Variants in KLF8 observed in about 807,000 individuals in gnomAD.
KLF8 encodes the protein Krueppel-like factor 8.
Under a neutral mutation model 18.2 loss-of-function variants are expected in KLF8, and 10 were observed. That is an observed-to-expected ratio of 0.55 (90% CI 0.34 to 0.93). The LOEUF (loss-of-function observed/expected upper bound fraction) is 0.93. Ranked by LOEUF, KLF8 falls within the 40% of genes least tolerant of loss-of-function variation. The pLI, the probability that KLF8 is intolerant of heterozygous loss-of-function variation, is 0.02. For synonymous variants in KLF8, 109 were observed against 97.3 expected, an observed-to-expected ratio of 1.12 and a Z score of -0.71; for missense variants, 264 against 277.9, an observed-to-expected ratio of 0.95 and a Z score of 0.36.
the KLF8 span, among the ~76,000 whole-genome samples, chrX:56,003,630 A>G: frequency 2.7e-5 from 3 of 111,642 alleles, no homozygotes; most frequent in Non-Finnish European, 3.8e-5. Context: ...ATACAGTTGC[A>G]TGGCAATGTA....
the KLF8 span, among the ~76,000 whole-genome samples, chrX:55,936,874 C>A: frequency 2.4e-4 from 27 of 111,993 alleles, no homozygotes; most frequent in South Asian, 7.4e-3. Context: ...ACAAAGCAGC[C>A]GGGAAACTCG....
At chrX:56,095,231 C>T in the KLF8 span, among the ~76,000 whole-genome samples, 8 of 112,162 alleles carry the variant, frequency 7.1e-5, no homozygotes, top group South Asian at 2.9e-3. Flanking sequence ...AATGTACACC[C>T]TATTCAATAA....
the KLF8 span, among the ~76,000 whole-genome samples, chrX:56,079,096 C>A: frequency 2.7e-5 from 3 of 111,054 alleles, no homozygotes; most frequent in Non-Finnish European, 5.7e-5. Flanking sequence ...AAAACCAGCT[C>A]CTGGACTCAT....
the KLF8 span, among the ~76,000 whole-genome samples, chrX:56,163,221 G>A: frequency 9.0e-6 from 1 of 111,650 alleles, no homozygotes; most frequent in Non-Finnish European, 1.9e-5. Context: ...CAGTGTAGAA[G>A]CATTTTTTTT....
the KLF8 span, among the ~76,000 whole-genome samples, chrX:56,160,817 C>T: frequency 9.0e-6 from 1 of 111,401 alleles, no homozygotes; most frequent in South Asian, 3.8e-4. Context: ...GAATACAGCA[C>T]ACTGATGGGT....
At chrX:55,990,477 G>T in the KLF8 span, among the ~76,000 whole-genome samples, 2 of 112,245 alleles carry the variant, frequency 1.8e-5, no homozygotes, top group Non-Finnish European at 3.8e-5. Context: ...TCATTCAGGA[G>T]CAGGTTGTTC....
At chrX:56,084,032 A>G in the KLF8 span, among the ~76,000 whole-genome samples, 47 of 111,719 alleles carry the variant, frequency 4.2e-4, no homozygotes, top group Admixed American at 4.8e-4. Context: ...CAAGACAGGA[A>G]CAAATGAGAG....
At chrX:55,966,391 C>T in the KLF8 span, among the ~76,000 whole-genome samples, 1 of 112,310 alleles carries the variant, frequency 8.9e-6, no homozygotes, top group Non-Finnish European at 1.9e-5. Flanking sequence ...ATTCCTCTAC[C>T]AGTCCAAGAC....
the KLF8 span, among the ~76,000 whole-genome samples, chrX:56,068,906 C>T: frequency 8.9e-6 from 1 of 112,558 alleles, no homozygotes; most frequent in East Asian, 2.8e-4. Flanking sequence ...AGCAGCCCTG[C>T]TTCTTTCTAA....
At chrX:55,958,268 A>T in the KLF8 span, among the ~76,000 whole-genome samples, 1 of 112,221 alleles carries the variant, frequency 8.9e-6, no homozygotes, top group Non-Finnish European at 1.9e-5. Flanking sequence ...TTCATTTCAG[A>T]TGATGCTATG....
the KLF8 span, among the ~76,000 whole-genome samples, chrX:56,153,728 G>A: frequency 8.1e-5 from 9 of 111,220 alleles, no homozygotes; most frequent in South Asian, 1.5e-3. Context: ...CAACTTCAGC[G>A]AAGTCTCAGG....
the KLF8 span, among the ~76,000 whole-genome samples, chrX:56,103,318 C>T: frequency 3.6e-5 from 4 of 111,476 alleles, no homozygotes; most frequent in Non-Finnish European, 7.5e-5. Context: ...GCCATTTTCA[C>T]GATACTGATT....
the KLF8 span, chrX:55,961,421 A>G: frequency 1.9e-6 from 1 of 528,812 alleles, no homozygotes; most frequent in South Asian, 2.3e-5. Context: ...GATAATGGAA[A>G]GCCTTACATG....
the KLF8 span, among the ~76,000 whole-genome samples, chrX:56,049,249 G>A: frequency 9.0e-6 from 1 of 111,061 alleles, no homozygotes; most frequent in Non-Finnish European, 1.9e-5. Flanking sequence ...CTAACTGAAT[G>A]CCCTTTATTG....
At chrX:56,055,419 T>G in the KLF8 span, among the ~76,000 whole-genome samples, 2 of 112,196 alleles carry the variant, frequency 1.8e-5, no homozygotes, top group Non-Finnish European at 3.8e-5. Flanking sequence ...GTAGGGTTTC[T>G]GCTGAGAAGT....
At chrX:55,958,307 C>T in the KLF8 span, among the ~76,000 whole-genome samples, 3 of 111,993 alleles carry the variant, frequency 2.7e-5, no homozygotes, top group Non-Finnish European at 3.8e-5. Context: ...TCATTATTTC[C>T]TTTATAAGAA....
At chrX:56,000,410 G>A in the KLF8 span, among the ~76,000 whole-genome samples, 1 of 92,801 alleles carries the variant, frequency 1.1e-5, no homozygotes, top group Non-Finnish European at 2.0e-5. Flanking sequence ...CAGTAGAATT[G>A]GCACCAGTTC....
chrX:56,194,991 T>C, the KLF8 span, among the ~76,000 whole-genome samples: 1 of 112,307 alleles, frequency 8.9e-6, no homozygotes, highest in African/African-American at 3.2e-5. Flanking sequence ...CTGAGGGACC[T>C]GAATGTTAGA....
chrX:56,195,894 C>A, the KLF8 span, among the ~76,000 whole-genome samples: 1 of 111,898 alleles, frequency 8.9e-6, no homozygotes, highest in Non-Finnish European at 1.9e-5. Context: ...CTGGCAGAAA[C>A]CTTACAAGCC....
Sources: gnomAD v4.1 joint callset for allele counts (sites outside exome capture counted in the v4.1 genomes callset) on GRCh38, gnomAD v4.1.1 for gene constraint, MANE v1.5 for transcripts, NCBI Gene and HGNC (gene_info 2026-07-23, HGNC 2026-07-21) for gene names.